Variants in PPFIA2 observed in about 807,000 individuals in gnomAD.
PPFIA2 encodes PPFI scaffold protein A2, also known as liprin-alpha-2.
PPFIA2 carries 46 observed loss-of-function variants against 175.5 expected under a neutral mutation model. The ratio of observed to expected loss-of-function variants is 0.26; its 90% CI spans 0.21 to 0.34. The LOEUF is 0.34. Ranked by LOEUF, PPFIA2 falls within the 10% of genes least tolerant of loss-of-function variation. The probability of loss-of-function intolerance (pLI) is 1.00; values close to 1 mark genes in which losing one functional copy is unlikely to be tolerated. For synonymous variants in PPFIA2, 568 were observed against 511.4 expected, an observed-to-expected ratio of 1.11 and a Z score of -1.49; for missense variants, 1,179 against 1,506.1, an observed-to-expected ratio of 0.78 and a Z score of 3.60.
In PPFIA2 at chr12:81,268,004, T is replaced by C; in HGVS notation, c.3394A>G (p.Ser1132Gly). The C allele has an allele frequency of 6.3e-7, 1 of 1,597,820 alleles. No homozygotes were observed. Among genetic ancestry groups the C allele is most frequent in the Non-Finnish European group, 8.5e-7 (1 of 1,171,048 alleles). Residue 1132 changes from serine (S) to glycine (G), a missense_variant, in exon 29 of 33, where the codon AGC becomes GGC. This residue lies in a region of PPFIA2 where 245 missense variants were observed against 375.1 expected (regional missense o/e 0.65). Coordinates refer to ENST00000549396, the MANE Select transcript of PPFIA2 (RefSeq NM_003625.5). ...LREYANNILE[S>G]GVHGSLIALD... ...GCTATAAGTGAGCCATGCACACCGC[T>C]CTCAAGTATATTATTTGCATATTCT... is the stretch of plus-strand genomic sequence containing the variant.
chr12:81,368,281 C>G, intron 13 of PPFIA2: 2 of 635,630 alleles, frequency 3.1e-6, no homozygotes, highest in Non-Finnish European at 4.9e-6. Flanking sequence ...GGGATTGATA[C>G]TAGTTCTTTT....
intron 7 of PPFIA2, among the ~76,000 whole-genome samples, chr12:81,419,490 T>C (rs1471146153): frequency 6.6e-6 from 1 of 152,118 alleles, no homozygotes; most frequent in East Asian, 1.9e-4. Context: ...TGTATACACG[T>C]TTTGATTTAA....
chr12:81,442,105 G>C (rs1812390224), intron 6 of PPFIA2, among the ~76,000 whole-genome samples: 1 of 151,832 alleles, frequency 6.6e-6, no homozygotes, highest in Non-Finnish European at 1.5e-5. Flanking sequence ...TTTCATTATA[G>C]TGAGTTTTTA....
intron 16 of PPFIA2, among the ~76,000 whole-genome samples, chr12:81,357,116 T>C (rs192339542): frequency 5.9e-5 from 9 of 152,298 alleles, no homozygotes; most frequent in Admixed American, 4.6e-4. Context: ...TCCCTGAGCA[T>C]TGAGTTAAGA....
intron 4 of PPFIA2, among the ~76,000 whole-genome samples, chr12:81,658,145 G>C (rs545724937): frequency 6.6e-6 from 1 of 152,036 alleles, no homozygotes; most frequent in East Asian, 1.9e-4. Context: ...TCATATGCCT[G>C]TAGTCACAGC....
intron 3 of PPFIA2, among the ~76,000 whole-genome samples, chr12:81,683,987 C>T (rs2074068909): frequency 6.6e-6 from 1 of 151,988 alleles, no homozygotes; most frequent in African/African-American, 2.4e-5. Flanking sequence ...ACCCACTCAC[C>T]CCCAAGGGAG....
chr12:81,679,929 T>C (rs2073293782), intron 3 of PPFIA2, among the ~76,000 whole-genome samples: 1 of 151,996 alleles, frequency 6.6e-6, no homozygotes, highest in South Asian at 2.1e-4. Flanking sequence ...GATTACTACA[T>C]AGCTTTCAAA....
chr12:81,620,858 C>A (rs1221846813), intron 4 of PPFIA2, among the ~76,000 whole-genome samples: 2 of 152,066 alleles, frequency 1.3e-5, no homozygotes, highest in African/African-American at 2.4e-5. Context: ...CTGAGATACC[C>A]ATGTAAAATC....
chr12:81,612,650 A>G (rs1419854153), intron 4 of PPFIA2, among the ~76,000 whole-genome samples: 1 of 152,206 alleles, frequency 6.6e-6, no homozygotes, highest in Non-Finnish European at 1.5e-5. Flanking sequence ...GTGAACAAAA[A>G]GGCATGTCAA....
intron 4 of PPFIA2, among the ~76,000 whole-genome samples, chr12:81,458,819 C>A (rs1239818641): frequency 6.6e-6 from 1 of 152,000 alleles, no homozygotes; most frequent in Non-Finnish European, 1.5e-5. Context: ...CATATTATCA[C>A]CAAACCCTTT....
At chr12:81,275,045 A>T (rs529279709) in intron 28 of PPFIA2, among the ~76,000 whole-genome samples, 36 of 152,344 alleles carry the variant, frequency 2.4e-4, no homozygotes, top group African/African-American at 8.4e-4. Context: ...AATTGGATAA[A>T]AATACTTCAG....
rs1211567772 is a variant in PPFIA2, at chr12:81,650,833, G to A, written c.303+25958C>T. Among the ~76,000 whole-genome samples, 8 of 152,316 alleles carry A rather than the reference G, an allele frequency of 5.3e-5. 1 individual carries two copies. Among genetic ancestry groups the A allele is most frequent in the Middle Eastern group, 6.8e-3 (2 of 294 alleles). On this transcript the variant is annotated intron_variant, in intron 4 of 32. Transcript: ENST00000549396. ...CCACCGTAAAAATGTAGGTAGGAAC[G>A]AAGAGAAACATATGGCCAAAGACTG...
intron 24 of PPFIA2, 180 bp from the exon 25 acceptor site, chr12:81,284,483 T>G (rs910396651): frequency 1.1e-5 from 6 of 524,976 alleles, no homozygotes; most frequent in Non-Finnish European, 2.1e-5. Flanking sequence ...TTTCTTCTAC[T>G]CAAAAAGATT....
At chr12:81,615,063 A>C (rs1212366850) in intron 4 of PPFIA2, among the ~76,000 whole-genome samples, 1 of 152,202 alleles carries the variant, frequency 6.6e-6, no homozygotes, top group Non-Finnish European at 1.5e-5. Context: ...TTTCATACAT[A>C]AAACAATTTT....
At chr12:81,402,742 T>C (rs1010693091) in intron 8 of PPFIA2, among the ~76,000 whole-genome samples, 2 of 152,220 alleles carry the variant, frequency 1.3e-5, no homozygotes, top group African/African-American at 4.8e-5. Context: ...TAATGTTAGC[T>C]ACTTGGAACA....
chr12:81,680,895 G>T (rs960057857), intron 3 of PPFIA2, among the ~76,000 whole-genome samples: 9 of 151,944 alleles, frequency 5.9e-5, no homozygotes, highest in Non-Finnish European at 1.2e-4. Flanking sequence ...GGTTCTTAGG[G>T]TCATACAACT....
chr12:81,360,997 C>T (rs1343521302), intron 15 of PPFIA2, among the ~76,000 whole-genome samples: 1 of 151,570 alleles, frequency 6.6e-6, no homozygotes, highest in South Asian at 2.1e-4. Context: ...AATGAAGCAG[C>T]TTGTAATTAT....
chr12:81,393,447 T>C lies in PPFIA2; in HGVS notation c.763-9203A>G, dbSNP rs538224445. Reference sequence around the variant, plus strand: ...AATTACCAAGTAGTCCTTTTAGATGTGTAAATATAAGTCAAGTAGGCTCCC... The same window carrying C: ...AATTACCAAGTAGTCCTTTTAGATGCGTAAATATAAGTCAAGTAGGCTCCC... On this transcript the variant is annotated intron_variant, in intron 8 of 32. Coordinates refer to ENST00000549396, the MANE Select transcript of PPFIA2 (RefSeq NM_003625.5). Among the ~76,000 whole-genome samples, 12 of 152,196 alleles carry C rather than the reference T, an allele frequency of 7.9e-5. No homozygotes were observed. In the South Asian group the frequency reaches 2.5e-3, roughly 32 times the overall value.
At chr12:81,275,618 C>A (rs2040310088) in intron 28 of PPFIA2, among the ~76,000 whole-genome samples, 2 of 152,052 alleles carry the variant, frequency 1.3e-5, no homozygotes, top group South Asian at 4.2e-4. Flanking sequence ...TCATGCCTAC[C>A]CTTGAACCAT....
Sources: allele counts gnomAD v4.1 joint callset (sites outside exome capture counted in the v4.1 genomes callset), GRCh38; gene constraint gnomAD v4.1.1; regional missense constraint gnomAD v4.1.1; transcripts MANE v1.5; gene names NCBI Gene and HGNC (gene_info 2026-07-23, HGNC 2026-07-21).